The following COL26A1 variants were observed in gnomAD, a reference collection of about 807,000 sequenced individuals.
COL26A1 encodes the protein collagen alpha-1(XXVI) chain.
Under a neutral mutation model 59.3 loss-of-function variants are expected in COL26A1, and 41 were observed. The observed-to-expected ratio is 0.69, with a 90% CI of 0.54 to 0.90. The LOEUF is 0.90. COL26A1 is among the 40% of genes least tolerant of loss of function. The pLI is 0.00. For missense variants in COL26A1, 612 were observed against 602.3 expected (o/e 1.02, Z -0.17); for synonymous variants, 266 against 256.0 (o/e 1.04, Z -0.37).
At chr7:101,375,989 G>GAAAAAAAA (rs35433251) in intron 1 of COL26A1, among the ~76,000 whole-genome samples, 4 of 122,780 alleles carry the variant, frequency 3.3e-5, no homozygotes, top group Non-Finnish European at 4.9e-5. Flanking sequence ...CCATCTCAAA[G>GAAAAAAAA]AAAAAAAAAA....
rs367945029 is a variant in COL26A1 at position 101,416,362 on chromosome 7, T to C, written c.159-3615T>C. Among the ~76,000 whole-genome samples the C allele has an allele frequency of 4.2e-3, 599 of 143,676 alleles. 107 individuals are homozygous for C. Among genetic ancestry groups the C allele is most frequent in the South Asian group, 0.012 (50 of 4,302 alleles). The allele number at this position is 143,676 out of a possible 152,430, so 94.3% of individuals were successfully genotyped here. A position where few individuals can be genotyped will look rare whatever the true frequency, so the allele number is the denominator to read the frequency against. ...AGCCATGATCATGCCACTACACTCC[T>C]GACCTCAAGTGATCCACCCACCTCG... is the stretch of plus-strand genomic sequence containing the variant. On this transcript the variant is annotated intron_variant, in intron 1 of 12. Coordinates refer to ENST00000313669, the MANE Select transcript of COL26A1 (RefSeq NM_001278563.3).
intron 2 of COL26A1, among the ~76,000 whole-genome samples, chr7:101,446,494 A>G (rs1458607325): frequency 1.3e-5 from 2 of 152,198 alleles, no homozygotes; most frequent in Non-Finnish European, 2.9e-5. Flanking sequence ...TCACTGCCCA[A>G]GGGGTTCACC....
chr7:101,373,190 G>C lies in COL26A1; in HGVS notation c.158+10000G>C, dbSNP rs566833662. ...GAGGCCAGTTAGGAGGTAGTTGATG[G>C]ATGGAGCAGGGGAGAAGGGAGTGCT... On this transcript the variant is annotated intron_variant, in intron 1 of 12. Transcript: ENST00000313669. 2.9e-4 allele frequency among the ~76,000 whole-genome samples: 44 copies of C among 152,282 alleles called. 1 individual carries two copies. Among genetic ancestry groups the C allele is most frequent in the South Asian group, 2.7e-3 (13 of 4,830 alleles).
Position 101,544,096 on chromosome 7 carries a change from G to C in COL26A1, c.703G>C (p.Gly235Arg). ...AGAGAAGGGTCCAGCGGGGCCGCCT[G>C]GTAAGAAAACCCCCCACATATGTGA... is the stretch of plus-strand genomic sequence containing the variant. ...TGEKGPAGPP[G>R]LLGPPGPRGL... is the part of the protein sequence containing the mutation. Residue 235 changes from glycine (G) to arginine (R), a missense_variant and splice_region_variant, in exon 6 of 13, where the codon GGG becomes CGG. By Grantham distance (125) the Gly-to-Arg change is moderately radical. Transcript: ENST00000313669. 6.3e-7 allele frequency: 1 copy of C among 1,597,658 alleles called. No individual in the cohort carries two copies. The highest frequency in any genetic ancestry group is 8.5e-7 in the Non-Finnish European group (1 of 1,172,452).
At chr7:101,492,549 T>A (rs979669016) in intron 3 of COL26A1, among the ~76,000 whole-genome samples, 1 of 150,890 alleles carries the variant, frequency 6.6e-6, no homozygotes, top group African/African-American at 2.4e-5. Context: ...ATACAAAAAT[T>A]AGCTGGGTGT....
chr7:101,364,532 GC>G (rs1399066588), intron 1 of COL26A1, among the ~76,000 whole-genome samples: 1 of 150,382 alleles, frequency 6.6e-6, no homozygotes, highest in East Asian at 2.0e-4. Context: ...GATTTGCTAG[GC>G]CTAGGAGCCA....
rs143554460 is a variant in COL26A1, at chr7:101,459,323, G to A, written c.385+11536G>A. ...TTGTTTGTTGTTTGTTTTTTGAGACGGAGTCTCGCTCTGTCACCAGGCTGG... is the reference window on the plus strand; with the variant it reads ...TTGTTTGTTGTTTGTTTTTTGAGACAGAGTCTCGCTCTGTCACCAGGCTGG... On this transcript the variant is annotated intron_variant, in intron 3 of 12. Coordinates refer to ENST00000313669, the MANE Select transcript of COL26A1 (RefSeq NM_001278563.3). Among the ~76,000 whole-genome samples, 1,273 of 151,838 alleles carry A rather than the reference G, an allele frequency of 8.4e-3. 23 individuals are homozygous for A. Among genetic ancestry groups the A allele is most frequent in the African/African-American group, 0.029 (1,209 of 41,422 alleles).
intron 3 of COL26A1, among the ~76,000 whole-genome samples, chr7:101,449,379 C>G (rs989409730): frequency 3.3e-5 from 5 of 152,326 alleles, no homozygotes; most frequent in Middle Eastern, 3.4e-3. Context: ...GGCCTGCCAT[C>G]TAGATCCTGC....
chr7:101,550,427 C>T (rs1156524717), intron 9 of COL26A1, among the ~76,000 whole-genome samples: 1 of 142,984 alleles, frequency 7.0e-6, no homozygotes, highest in East Asian at 2.0e-4. Flanking sequence ...CACCACTGCC[C>T]TCCAGCCTGG....
chr7:101,449,849 C>T (rs10215646), intron 3 of COL26A1, among the ~76,000 whole-genome samples: 5,968 of 150,822 alleles, frequency 0.04, 223 homozygotes, highest in African/African-American at 0.088. Flanking sequence ...TTAGGATGGG[C>T]GTGGTGGCTC....
intron 2 of COL26A1, among the ~76,000 whole-genome samples, chr7:101,446,851 A>G (rs1225116673): frequency 1.4e-5 from 2 of 141,480 alleles, no homozygotes; most frequent in South Asian, 2.2e-4. Context: ...TGTCTCAACT[A>G]AAAAAAAAAA....
chr7:101,365,057 G>A (rs1791008101), intron 1 of COL26A1, among the ~76,000 whole-genome samples: 1 of 152,114 alleles, frequency 6.6e-6, no homozygotes, highest in South Asian at 2.1e-4. Flanking sequence ...TGAATAGGGC[G>A]GGACCCAGAA....
chr7:101,363,426 G>A (rs1790952240), intron 1 of COL26A1, among the ~76,000 whole-genome samples: 1 of 145,144 alleles, frequency 6.9e-6, no homozygotes, highest in South Asian at 2.3e-4. Context: ...GCGGATGCCA[G>A]GGGCAGGGGA....
intron 3 of COL26A1, among the ~76,000 whole-genome samples, chr7:101,489,874 CTT>C (rs1254304246): frequency 1.6e-4 from 10 of 63,220 alleles, no homozygotes; most frequent in Admixed American, 2.3e-4. Flanking sequence ...TTCTTTCTTT[CTT>C]TCTTTCTTTC....
chr7:101,476,142 T>TTGTGTG lies in COL26A1; in HGVS notation c.385+28386_385+28391dup, dbSNP rs56666965. Among the ~76,000 whole-genome samples the TTGTGTG allele has an allele frequency of 5.0e-3, 736 of 146,324 alleles. 2 individuals are homozygous for TTGTGTG. The highest frequency in any genetic ancestry group is 0.012 in the African/African-American group (468 of 39,670). On this transcript the variant is annotated intron_variant, in intron 3 of 12. Coordinates refer to ENST00000313669, the MANE Select transcript of COL26A1 (RefSeq NM_001278563.3). ...GGTGCATGCCACCACTCCCAGCTAA[T>TTGTGTG]TGTGTGTGTGTGTGTGTGTGTGTGT...
chr7:101,540,654 A>G (rs1349249723), intron 5 of COL26A1, among the ~76,000 whole-genome samples: 1 of 152,140 alleles, frequency 6.6e-6, no homozygotes, highest in African/African-American at 2.4e-5. Flanking sequence ...GGAGTTCGAG[A>G]CCAACCTGGG....
At chr7:101,492,425 G>A (rs1003930278) in intron 3 of COL26A1, among the ~76,000 whole-genome samples, 4 of 151,780 alleles carry the variant, frequency 2.6e-5, no homozygotes, top group South Asian at 4.2e-4. Context: ...GGCCGGGCGC[G>A]GTGGCTCATG....
intron 3 of COL26A1, among the ~76,000 whole-genome samples, chr7:101,462,023 G>A (rs1469469530): frequency 7.4e-6 from 1 of 135,258 alleles, no homozygotes; most frequent in Non-Finnish European, 1.6e-5. Context: ...TTTTTGAGAC[G>A]AAGTCTTGCT....
intron 3 of COL26A1, among the ~76,000 whole-genome samples, chr7:101,462,802 G>A (rs1440995115): frequency 2.0e-5 from 3 of 152,090 alleles, no homozygotes; most frequent in Admixed American, 1.3e-4. Context: ...CCGAGAAGCA[G>A]AGAATGGGGC....
Sources: allele counts gnomAD v4.1 joint callset (sites outside exome capture counted in the v4.1 genomes callset), GRCh38; gene constraint gnomAD v4.1.1; transcripts MANE v1.5; gene names NCBI Gene and HGNC (gene_info 2026-07-23, HGNC 2026-07-21).